Variants in ZBTB16 observed in about 807,000 individuals in gnomAD.
The protein encoded by ZBTB16 is zinc finger and BTB domain containing 16, also known as zinc finger and BTB domain-containing protein 16.
Under a neutral mutation model 56.8 loss-of-function variants are expected in ZBTB16, and 8 were observed. That is an observed-to-expected ratio of 0.14 (90% confidence interval 0.08 to 0.25). The LOEUF (loss-of-function observed/expected upper bound fraction) is 0.25. Ranked by LOEUF, ZBTB16 falls within the 10% of genes least tolerant of loss-of-function variation. The pLI, the probability that ZBTB16 is intolerant of heterozygous loss-of-function variation, is 1.00. For synonymous variants in ZBTB16, 363 were observed against 368.5 expected, an observed-to-expected ratio of 0.98 and a Z score of 0.17; for missense variants, 625 against 903.0, an observed-to-expected ratio of 0.69 and a Z score of 3.95.
Position 114,086,382 on chromosome 11 carries a change from C to T in ZBTB16, c.1268+21814C>T, listed in dbSNP as rs117282094. 2.1e-3 allele frequency among the ~76,000 whole-genome samples: 322 copies of T among 152,150 alleles called. 10 individuals carry two copies. In the East Asian group the frequency reaches 0.054, roughly 25 times the overall value. ...CCTCAAGTCAGGCTTCTCTGGGAAG[C>T]GCTGTCTGTCTGTCTTGGTGCTTGC... On this transcript the variant is annotated intron_variant, in intron 2 of 6. Transcript: ENST00000335953.
At chr11:114,226,657 T>G (rs991682039) in intron 4 of ZBTB16, among the ~76,000 whole-genome samples, 1 of 152,134 alleles carries the variant, frequency 6.6e-6, no homozygotes, top group Non-Finnish European at 1.5e-5. Context: ...TTGGCGTGTC[T>G]GAATGTGTGA....
chr11:114,242,451 T>A, intron 5 of ZBTB16, 114 bp downstream of exon 5: 1 of 1,459,758 alleles, frequency 6.9e-7, no homozygotes, highest in Non-Finnish European at 9.3e-7. Flanking sequence ...GTCCTTCTGC[T>A]CAAGGCTTGG....
intron 4 of ZBTB16, among the ~76,000 whole-genome samples, chr11:114,198,178 A>T (rs1167179539): frequency 6.6e-6 from 1 of 152,200 alleles, no homozygotes; most frequent in African/African-American, 2.4e-5. Flanking sequence ...GACTTTTATA[A>T]ATATCAGAGG....
At chr11:114,229,381 G>A (rs1944392752) in intron 4 of ZBTB16, among the ~76,000 whole-genome samples, 1 of 152,298 alleles carries the variant, frequency 6.6e-6, no homozygotes, top group Admixed American at 6.5e-5. Context: ...TTTCTCTATA[G>A]TAAACGAGAT....
intron 2 of ZBTB16, among the ~76,000 whole-genome samples, chr11:114,151,767 C>T (rs1402377692): frequency 6.6e-6 from 1 of 152,172 alleles, no homozygotes; most frequent in Admixed American, 6.5e-5. Flanking sequence ...GCATAGCCTT[C>T]CCCCCTTGGT....
chr11:114,254,960 C>T lies in ZBTB16; in HGVS notation c.*4405C>T, dbSNP rs986905376. On this transcript the variant is annotated 3_prime_UTR_variant, in exon 7 of 7. Transcript: ENST00000335953. ...GGTTAGCCAGCAGCTGCGGCCTCCC[C>T]GGGCCCTTGGCATCCAACTTCGCAG... 1.3e-5 allele frequency among the ~76,000 whole-genome samples: 2 copies of T among 152,318 alleles called. No individual in the cohort carries two copies. The highest frequency in any genetic ancestry group is 1.9e-4 in the East Asian group (1 of 5,180).
At chr11:114,112,000 T>C (rs541319885) in intron 2 of ZBTB16, among the ~76,000 whole-genome samples, 1 of 152,250 alleles carries the variant, frequency 6.6e-6, no homozygotes, top group African/African-American at 2.4e-5. Context: ...CATTTGTCAA[T>C]TTTTTTGTGG....
In ZBTB16 at chr11:114,063,722, G is replaced by T. The variant is rs2137652264; in HGVS notation, c.422G>T (p.Gly141Val). The T allele has an allele frequency of 6.2e-7, 1 of 1,614,026 alleles. No individual in the cohort carries two copies. Among genetic ancestry groups the T allele is most frequent in the Non-Finnish European group, 8.5e-7 (1 of 1,180,032 alleles). ...NDTEATMADG[G>V]AEEEEDRKAR... ...ACGGAGGCCACCATGGCCGATGGCG[G>T]GGCCGAGGAAGAAGAGGACCGCAAG... The change falls in exon 2 of 7, where the codon GGG becomes GTG. Residue 141 changes from glycine (G) to valine (V), a missense_variant. Transcript: ENST00000335953. The surrounding 1 kb of genome is among the most constrained non-coding windows in gnomAD (Gnocchi z 6.5).
chr11:114,242,306 G>A lies in ZBTB16; in HGVS notation c.1593G>A (p.Thr531=), dbSNP rs1251976290. The part of the protein sequence containing the change: ...SECNRTFPSH[T]ALKRHLRSHT... ...GCAACCGCACCTTCCCCAGCCACAC[G>A]GCTCTCAAACGCCACCTGCGCTCAC... Residue 531 remains threonine (T), a synonymous_variant, in exon 5 of 7, where the codon ACG becomes ACA. Transcript: ENST00000335953. 3.7e-6 allele frequency: 6 copies of A among 1,613,858 alleles called. No homozygotes were observed. Among genetic ancestry groups the A allele is most frequent in the African/African-American group, 1.3e-5 (1 of 74,952 alleles).
chr11:114,109,612 A>G (rs7936348), intron 2 of ZBTB16, among the ~76,000 whole-genome samples: 13,437 of 151,964 alleles, frequency 0.088, 1,805 homozygotes, highest in African/African-American at 0.29. Flanking sequence ...ACATCCTTGC[A>G]GAGGCCATCC....
In ZBTB16 at chr11:114,060,947, C is replaced by T. The variant is rs1281574345; in HGVS notation, c.-91+1065C>T. On this transcript the variant is annotated intron_variant, in intron 1 of 6. Transcript: ENST00000335953. This position sits in a 1 kb window ranked among gnomAD's most constrained non-coding sequence, Gnocchi z 6.0. ...GCGGGGCTTTTGTGCTTCCCCTTCGCCGCGGGGCGGGTCCGCCTCCCCTGC... is the reference window on the plus strand; with the variant it reads ...GCGGGGCTTTTGTGCTTCCCCTTCGTCGCGGGGCGGGTCCGCCTCCCCTGC... Among the ~76,000 whole-genome samples, 4 of 152,150 alleles carry T rather than the reference C, an allele frequency of 2.6e-5. No individual in the cohort carries two copies. Among genetic ancestry groups the T allele is most frequent in the Admixed American group, 1.3e-4 (2 of 15,294 alleles).
At chr11:114,229,577 T>C (rs575707) in intron 4 of ZBTB16, among the ~76,000 whole-genome samples, 134,315 of 152,306 alleles carry the variant, frequency 0.88, 59,336 homozygotes, top group East Asian at 0.98. Context: ...CTGTGATTTC[T>C]GTCTCCTTCT....
intron 4 of ZBTB16, among the ~76,000 whole-genome samples, chr11:114,211,934 C>G (rs1944005753): frequency 6.6e-6 from 1 of 152,226 alleles, no homozygotes; most frequent in Non-Finnish European, 1.5e-5. Context: ...CAGTGTATCT[C>G]TCATAAACCC....
At chr11:114,215,472 G>T (rs574216683) in intron 4 of ZBTB16, among the ~76,000 whole-genome samples, 47 of 152,308 alleles carry the variant, frequency 3.1e-4, no homozygotes, top group Middle Eastern at 3.4e-3. Context: ...AGATATGGCA[G>T]CTCATTCAGA....
intron 3 of ZBTB16, among the ~76,000 whole-genome samples, chr11:114,163,994 G>A (rs1156397689): frequency 4.6e-5 from 7 of 152,182 alleles, no homozygotes; most frequent in Non-Finnish European, 7.3e-5. Context: ...TCCCTGTACT[G>A]TAATGGGCTG....
At position 114,148,457 on chromosome 11, in the gene ZBTB16, GTCTC is replaced by G. The variant is rs1282315613; in HGVS notation, c.1269-7868_1269-7865del. Among the ~76,000 whole-genome samples, 5 of 59,892 alleles carry G rather than the reference GTCTC, an allele frequency of 8.3e-5. 1 individual carries two copies. The East Asian group carries it at 1.8e-3, about 21-fold the overall frequency. The allele number at this position is 59,892 out of a possible 152,430, so 39.3% of individuals were successfully genotyped here. ...TCTCTTTCTCTCTCTCTGTCTGTCT[GTCTC>G]TCTCTCTCTCTTTCTTTCTTTCTTT... On this transcript the variant is annotated intron_variant, in intron 2 of 6. Coordinates refer to ENST00000335953, the MANE Select transcript of ZBTB16 (RefSeq NM_006006.6).
chr11:114,098,554 A>G (rs1292996817), intron 2 of ZBTB16, among the ~76,000 whole-genome samples: 1 of 152,076 alleles, frequency 6.6e-6, no homozygotes, highest in Non-Finnish European at 1.5e-5. Flanking sequence ...AAAAAAAAAA[A>G]AAGCTAACTC....
intron 3 of ZBTB16, among the ~76,000 whole-genome samples, chr11:114,175,170 A>G (rs1006996028): frequency 6.6e-6 from 1 of 152,204 alleles, no homozygotes. Flanking sequence ...TGAAGGTTTA[A>G]ACAAGATGAT....
chr11:114,075,283 A>T (rs967773140), intron 2 of ZBTB16, among the ~76,000 whole-genome samples: 1 of 152,088 alleles, frequency 6.6e-6, no homozygotes, highest in African/African-American at 2.4e-5. Flanking sequence ...TCACTTCCTC[A>T]TCTGTGAGAT....
Sources: allele counts gnomAD v4.1 joint callset (sites outside exome capture counted in the v4.1 genomes callset), GRCh38; gene constraint gnomAD v4.1.1; non-coding constraint Gnocchi (gnomAD v3.1); transcripts MANE v1.5; gene names NCBI Gene and HGNC (gene_info 2026-07-23, HGNC 2026-07-21).